ASB3: variants seen among roughly 807,000 people sequenced by gnomAD.
ASB3 encodes ankyrin repeat and SOCS box containing 3.
Under a neutral mutation model 54.5 loss-of-function variants are expected in ASB3, and 41 were observed. The ratio of observed to expected loss-of-function variants is 0.75; its 90% CI spans 0.59 to 0.98. The LOEUF (loss-of-function observed/expected upper bound fraction) is 0.98, where lower values mean the gene tolerates loss of function less well. Among genes scored for constraint, ASB3 ranks in the 50% least tolerant of loss-of-function variants. The probability of loss-of-function intolerance (pLI) is 0.00; values close to 1 mark genes in which losing one functional copy is unlikely to be tolerated. For missense variants in ASB3, 733 were observed against 620.0 expected, an observed-to-expected ratio of 1.18 and a Z score of -1.94; for synonymous variants, 266 against 221.2, an observed-to-expected ratio of 1.20 and a Z score of -1.80.
chr2:53,760,031 G>C (rs1673056330), intron 2 of ASB3, among the ~76,000 whole-genome samples: 1 of 152,118 alleles, frequency 6.6e-6, no homozygotes, highest in Non-Finnish European at 1.5e-5. Context: ...GGGATCCTAG[G>C]ACAGGCAGTC....
intron 1 of ASB3, among the ~76,000 whole-genome samples, chr2:53,779,635 C>T (rs1202815201): frequency 6.6e-6 from 1 of 152,100 alleles, no homozygotes; most frequent in East Asian, 1.9e-4. Context: ...TGGAGTTTCA[C>T]CATGTTGCCC....
Position 53,765,497 on chromosome 2 carries a change from A to T in ASB3, c.76T>A (p.Leu26Ile), listed in dbSNP as rs776577070. The change falls in exon 2 of 10, where the codon TTA (leucine) becomes ATA (isoleucine). Residue 26 changes from leucine to isoleucine, a missense_variant. Physicochemically the swap from Leu to Ile is conservative, Grantham distance 5 (BLOSUM62 2). Coordinates refer to ENST00000263634, the MANE Select transcript of ASB3 (RefSeq NM_016115.5). Reference sequence around the variant, plus strand: ...CGGCCCTTTTTGAGCAGTTTCCTTAAGACTTTAACATTGCCTTCCCTGGCA... The same window carrying T: ...CGGCCCTTTTTGAGCAGTTTCCTTATGACTTTAACATTGCCTTCCCTGGCA... ...LAAREGNVKV[L>I]RKLLKKGRSV... 6.2e-7 allele frequency: 1 copy of T among 1,614,230 alleles called. No homozygotes were observed. Among genetic ancestry groups the T allele is most frequent in the African/African-American group, 1.3e-5 (1 of 75,060 alleles).
In ASB3 at chr2:53,748,930, C is replaced by G. The variant is rs191190159; in HGVS notation, c.355+1853G>C. Among the ~76,000 whole-genome samples, 4 of 152,008 alleles carry G rather than the reference C, an allele frequency of 2.6e-5. No homozygotes were observed. The East Asian group carries it at 7.7e-4, about 29-fold the overall frequency. On this transcript the variant is annotated intron_variant, in intron 3 of 9. Transcript: ENST00000263634. ...AAGATTATGATCATCATATGGTAGT[C>G]AGAATTTTATTGCTTTTAGGAGTTC...
chr2:53,681,338 C>G (rs186270410), intron 9 of ASB3, among the ~76,000 whole-genome samples: 17 of 152,270 alleles, frequency 1.1e-4, no homozygotes, highest in Admixed American at 7.8e-4. Context: ...CTTTGTTGAC[C>G]GTTTCCTTTG....
chr2:53,701,952 C>A (rs1222127096), intron 7 of ASB3, among the ~76,000 whole-genome samples: 1 of 152,138 alleles, frequency 6.6e-6, no homozygotes, highest in African/African-American at 2.4e-5. Context: ...AAGCACACTA[C>A]AATAAGAAAA....
Position 53,700,526 on chromosome 2 carries a change from C to T in ASB3, c.983G>A (p.Cys328Tyr). The T allele has an allele frequency of 1.3e-6, 2 of 1,584,340 alleles. No individual in the cohort carries two copies. Among genetic ancestry groups the T allele is most frequent in the East Asian group, 2.2e-5 (1 of 44,702 alleles). ...SPVCMAFQKD[C>Y]EFFGIVNILL... ...AATGTTCACAATTCCAAAGAACTCA[C>T]AGCTCCACCATAAAAAATAAAAACA... The change falls in exon 8 of 10, where the codon TGT (cysteine) becomes TAT (tyrosine). Residue 328 changes from cysteine to tyrosine, a missense_variant and splice_region_variant. By Grantham distance (194) the Cys-to-Tyr change is radical (BLOSUM62 -2). Coordinates refer to ENST00000263634, the MANE Select transcript of ASB3 (RefSeq NM_016115.5).
chr2:53,670,604 T>C lies in ASB3; in HGVS notation c.1456A>G (p.Ser486Gly), dbSNP rs139789173. Residue 486 changes from serine (S) to glycine (G), a missense_variant, in exon 10 of 10, where the codon AGT becomes GGT. Physicochemically the swap from Ser to Gly is moderately conservative, Grantham distance 56. Coordinates refer to ENST00000263634, the MANE Select transcript of ASB3 (RefSeq NM_016115.5). ...AGGCTTCTGGGAAGTGGCAGCTGAC[T>C]AATATAACTGTCAGACCGTAGACGT... ...SERLRSDSYISQLPLPRSLHN... is the reference protein window; with the variant it reads ...SERLRSDSYIGQLPLPRSLHN... 3.2e-5 allele frequency: 52 copies of C among 1,614,112 alleles called. 1 individual carries two copies. In the African/African-American group the frequency reaches 5.7e-4, roughly 18 times the overall value.
At chr2:53,676,712 T>C (rs181558102) in intron 9 of ASB3, among the ~76,000 whole-genome samples, 1 of 152,328 alleles carries the variant, frequency 6.6e-6, no homozygotes, top group Admixed American at 6.5e-5. Context: ...GCAAGTTCCA[T>C]TCCTAGTAAG....
intron 1 of ASB3, among the ~76,000 whole-genome samples, chr2:53,783,936 C>CA (rs772809045): frequency 1.8e-3 from 267 of 152,146 alleles, no homozygotes; most frequent in Non-Finnish European, 3.1e-3. Context: ...AGGCATGATA[C>CA]AAAAAAATCT....
intron 9 of ASB3, among the ~76,000 whole-genome samples, chr2:53,687,648 C>T (rs1668700525): frequency 6.6e-6 from 1 of 152,208 alleles, no homozygotes; most frequent in Non-Finnish European, 1.5e-5. Flanking sequence ...AGGCCCACTA[C>T]TGCCCCACTT....
intron 2 of ASB3, among the ~76,000 whole-genome samples, chr2:53,762,426 C>T (rs1039191020): frequency 3.3e-5 from 5 of 152,134 alleles, no homozygotes; most frequent in African/African-American, 9.7e-5. Context: ...TCCATCTGAC[C>T]GTAACTCTTA....
At chr2:53,715,482 AATC>A (rs1670336147) in intron 6 of ASB3, among the ~76,000 whole-genome samples, 1 of 152,170 alleles carries the variant, frequency 6.6e-6, no homozygotes, top group Non-Finnish European at 1.5e-5. Context: ...CTATAAAGAA[AATC>A]ATCAGTGACA....
chr2:53,746,851 G>A (rs1034686991), intron 3 of ASB3, among the ~76,000 whole-genome samples: 49 of 151,822 alleles, frequency 3.2e-4, no homozygotes, highest in Admixed American at 1.0e-3. Context: ...GGCCAGGCAC[G>A]GTATTTTGTA....
In ASB3 at chr2:53,700,520, A is replaced by G. The variant is rs542871638; in HGVS notation, c.989T>C (p.Phe330Ser). The change falls in exon 8 of 10, where the codon TTC becomes TCC. Residue 330 changes from phenylalanine (F) to serine (S), a missense_variant. Phe to Ser is a radical substitution (Grantham distance 155). Coordinates refer to ENST00000263634, the MANE Select transcript of ASB3 (RefSeq NM_016115.5). ...VCMAFQKDCE[F>S]FGIVNILLKY... ...CAAAAGAATGTTCACAATTCCAAAG[A>G]ACTCACAGCTCCACCATAAAAAATA... is the stretch of plus-strand genomic sequence containing the variant. The G allele has an allele frequency of 7.5e-6, 12 of 1,602,762 alleles. No homozygotes were observed. The highest frequency in any genetic ancestry group is 9.4e-6 in the Non-Finnish European group (11 of 1,176,356).
At chr2:53,726,675 T>TAC (rs1243702348) in intron 5 of ASB3, among the ~76,000 whole-genome samples, 7 of 151,260 alleles carry the variant, frequency 4.6e-5, no homozygotes, top group Non-Finnish European at 8.8e-5. Context: ...CATATATATA[T>TAC]ACACATATAT....
At chr2:53,736,992 A>C (rs1301247627) in intron 3 of ASB3, among the ~76,000 whole-genome samples, 1 of 152,144 alleles carries the variant, frequency 6.6e-6, no homozygotes, top group African/African-American at 2.4e-5. Flanking sequence ...TCAAAAAAGA[A>C]AAAAATATGT....
At chr2:53,738,852 G>C (rs989755802) in intron 3 of ASB3, among the ~76,000 whole-genome samples, 3 of 152,136 alleles carry the variant, frequency 2.0e-5, no homozygotes, top group African/African-American at 7.2e-5. Context: ...AAAAGATTAA[G>C]GATGAAATAA....
chr2:53,673,012 T>C (rs901393315), intron 9 of ASB3, among the ~76,000 whole-genome samples: 3 of 152,202 alleles, frequency 2.0e-5, no homozygotes, highest in Non-Finnish European at 2.9e-5. Flanking sequence ...GTTTCAGAAA[T>C]AAGCATAACT....
intron 2 of ASB3, among the ~76,000 whole-genome samples, chr2:53,758,857 G>A (rs1002637225): frequency 2.0e-5 from 3 of 152,186 alleles, no homozygotes; most frequent in Admixed American, 1.3e-4. Context: ...AGGCAAAAAC[G>A]CCCCTAAGAT....
Sources: allele counts gnomAD v4.1 joint callset (sites outside exome capture counted in the v4.1 genomes callset), GRCh38; gene constraint gnomAD v4.1.1; transcripts MANE v1.5; gene names NCBI Gene and HGNC (gene_info 2026-07-23, HGNC 2026-07-21).